Variants in EBF3 observed in about 807,000 individuals in gnomAD.
The protein encoded by EBF3 is EBF transcription factor 3, also known as transcription factor COE3.
In EBF3, 18 loss-of-function variants were observed where a neutral mutation model predicts 77.1. The observed-to-expected ratio is 0.23, with a 90% CI of 0.16 to 0.35. The LOEUF (loss-of-function observed/expected upper bound fraction) is 0.35, where lower values mean the gene tolerates loss of function less well. Among genes scored for constraint, EBF3 ranks in the 10% least tolerant of loss-of-function variants. The probability of loss-of-function intolerance (pLI) is 1.00; values close to 1 mark genes in which losing one functional copy is unlikely to be tolerated. For missense variants in EBF3, 558 were observed against 860.0 expected (o/e 0.65, Z 4.39); for synonymous variants, 350 against 343.5 (o/e 1.02, Z -0.21).
At chr10:129,872,283 G>T (rs1852456729) in intron 8 of EBF3, among the ~76,000 whole-genome samples, 1 of 152,218 alleles carries the variant, frequency 6.6e-6, no homozygotes, top group Non-Finnish European at 1.5e-5. Context: ...TTCAGTGCAT[G>T]GGAAGGAGAT....
intron 6 of EBF3, among the ~76,000 whole-genome samples, chr10:129,912,333 A>G (rs137859099): frequency 4.3e-4 from 65 of 152,308 alleles, no homozygotes; most frequent in African/African-American, 1.4e-3. Flanking sequence ...CAGCTTTTTA[A>G]GGCCTTAATG....
chr10:129,905,964 TGGC>T (rs1855115362), intron 6 of EBF3, among the ~76,000 whole-genome samples: 1 of 152,224 alleles, frequency 6.6e-6, no homozygotes, highest in Admixed American at 6.5e-5. Flanking sequence ...TAGAATAATT[TGGC>T]CTGAATGATC....
At chr10:129,909,348 C>T (rs1855359176) in intron 6 of EBF3, among the ~76,000 whole-genome samples, 1 of 152,264 alleles carries the variant, frequency 6.6e-6, no homozygotes, top group South Asian at 2.1e-4. Context: ...TTCCTGGACG[C>T]CCTTCCTGTG....
intron 10 of EBF3, among the ~76,000 whole-genome samples, chr10:129,850,580 G>A (rs1850802438): frequency 6.6e-6 from 1 of 152,190 alleles, no homozygotes; most frequent in African/African-American, 2.4e-5. Context: ...GCAAGGGGCT[G>A]GGGCTGCCAT....
At chr10:129,903,303 G>A (rs1589824473) in intron 6 of EBF3, among the ~76,000 whole-genome samples, 1 of 152,216 alleles carries the variant, frequency 6.6e-6, no homozygotes, top group Non-Finnish European at 1.5e-5. Context: ...CTTTATAAGA[G>A]ATGTTTGGAA....
chr10:129,903,345 C>A (rs1854919006), intron 6 of EBF3, among the ~76,000 whole-genome samples: 1 of 152,228 alleles, frequency 6.6e-6, no homozygotes, highest in African/African-American at 2.4e-5. Flanking sequence ...TTGGACTGGG[C>A]TTCCCTTGTA....
chr10:129,936,880 A>G (rs961910582), intron 6 of EBF3, among the ~76,000 whole-genome samples: 2 of 152,188 alleles, frequency 1.3e-5, no homozygotes, highest in African/African-American at 4.8e-5. Context: ...GACACGAACA[A>G]ATCAAGGCAG....
chr10:129,865,027 C>T (rs1851898390), intron 10 of EBF3, among the ~76,000 whole-genome samples: 1 of 152,228 alleles, frequency 6.6e-6, no homozygotes, highest in South Asian at 2.1e-4. Flanking sequence ...GCCCAGGTCC[C>T]AGTCTGTCTG....
chr10:129,840,664 T>G (rs989670097), intron 14 of EBF3, among the ~76,000 whole-genome samples, 180 bp downstream of exon 14: 3 of 152,186 alleles, frequency 2.0e-5, no homozygotes, highest in African/African-American at 7.2e-5. Context: ...TGGTTTCCAA[T>G]GAGATCACAT....
intron 6 of EBF3, among the ~76,000 whole-genome samples, chr10:129,894,913 G>A (rs1055664738): frequency 6.6e-6 from 1 of 152,258 alleles, no homozygotes; most frequent in Non-Finnish European, 1.5e-5. Flanking sequence ...CAGGCTGGCA[G>A]CAGCCTGTCT....
chr10:129,875,864 C>T (rs975297171), intron 7 of EBF3, among the ~76,000 whole-genome samples: 4 of 152,212 alleles, frequency 2.6e-5, no homozygotes, highest in African/African-American at 7.2e-5. Flanking sequence ...CCAGGTGCCC[C>T]CCTTGTGTTC....
Position 129,867,870 on chromosome 10 carries a change from G to T in EBF3, c.824C>A (p.Thr275Asn), listed in dbSNP as rs1589745646. Reference sequence around the variant, plus strand: ...TATGATGACGGTGGCACCCCCCGTGGTCCAGCCTTCACTGGGACTGATGGC... The same window carrying T: ...TATGATGACGGTGGCACCCCCCGTGTTCCAGCCTTCACTGGGACTGATGGC... ...IKAISPSEGWTTGGATVIIIG... is the reference protein window; with the variant it reads ...IKAISPSEGWNTGGATVIIIG... Residue 275 changes from threonine (T) to asparagine (N), a missense_variant, in exon 9 of 17, where the codon ACC becomes AAC. Thr to Asn is a moderately conservative substitution (Grantham distance 65). This residue lies in a region of EBF3 where 112 missense variants were observed against 207.7 expected (regional missense o/e 0.54). Transcript: ENST00000440978. 4 of 1,614,120 alleles carry T rather than the reference G, an allele frequency of 2.5e-6. No homozygotes were observed. Among genetic ancestry groups the T allele is most frequent in the Non-Finnish European group, 3.4e-6 (4 of 1,180,050 alleles).
intron 7 of EBF3, among the ~76,000 whole-genome samples, chr10:129,874,333 C>T (rs577191065): frequency 5.5e-4 from 84 of 152,244 alleles, no homozygotes; most frequent in Non-Finnish European, 1.1e-3. Flanking sequence ...GGGGAGAGAT[C>T]ACAGATCAGG....
intron 6 of EBF3, among the ~76,000 whole-genome samples, chr10:129,914,129 G>A (rs1323494384): frequency 6.6e-6 from 1 of 152,190 alleles, no homozygotes; most frequent in Admixed American, 6.5e-5. Context: ...GGCCAGGCTG[G>A]GGCCAGGAAC....
At chr10:129,927,938 C>G (rs928200200) in intron 6 of EBF3, among the ~76,000 whole-genome samples, 2 of 152,188 alleles carry the variant, frequency 1.3e-5, no homozygotes, top group Non-Finnish European at 2.9e-5. Context: ...TGCATGTTGT[C>G]AAGTGCTCGG....
chr10:129,852,031 C>T (rs1435205842), intron 10 of EBF3, among the ~76,000 whole-genome samples: 2 of 152,064 alleles, frequency 1.3e-5, no homozygotes, highest in Admixed American at 6.6e-5. Flanking sequence ...CTAGAATAGC[C>T]GGGAATCACA....
intron 10 of EBF3, among the ~76,000 whole-genome samples, chr10:129,860,696 A>G (rs1481709955): frequency 1.3e-5 from 2 of 152,224 alleles, no homozygotes; most frequent in Non-Finnish European, 2.9e-5. Context: ...CATGCTGGTC[A>G]CCGTGGGTCT....
chr10:129,877,430 A>G (rs6482762), intron 7 of EBF3, among the ~76,000 whole-genome samples: 41,977 of 146,584 alleles, frequency 0.29, 7,069 homozygotes, highest in African/African-American at 0.47. Flanking sequence ...GTAGTGAGCC[A>G]AGATCGCACC....
intron 6 of EBF3, among the ~76,000 whole-genome samples, chr10:129,939,428 C>G (rs892201222): frequency 6.6e-6 from 1 of 152,248 alleles, no homozygotes; most frequent in Non-Finnish European, 1.5e-5. Flanking sequence ...TAAAAGTTCC[C>G]ACTGCCATCA....
Sources: gnomAD v4.1 joint callset for allele counts (sites outside exome capture counted in the v4.1 genomes callset) on GRCh38, gnomAD v4.1.1 for gene constraint, gnomAD v4.1.1 regional missense constraint, MANE v1.5 for transcripts, NCBI Gene and HGNC (gene_info 2026-07-23, HGNC 2026-07-21) for gene names.